SOX5: variants seen among roughly 807,000 people sequenced by gnomAD.
SOX5 encodes SRY-box transcription factor 5.
A neutral mutation model predicts 92.0 loss-of-function variants in SOX5; 9 were observed. That is an observed-to-expected ratio of 0.10 (90% confidence interval 0.06 to 0.17). The LOEUF is 0.17. SOX5 is among the 10% of genes least tolerant of loss of function. The probability of loss-of-function intolerance (pLI) is 1.00; values close to 1 mark genes in which losing one functional copy is unlikely to be tolerated. For missense variants in SOX5, 642 were observed against 944.5 expected (o/e 0.68, Z 4.20); for synonymous variants, 344 against 336.3 (o/e 1.02, Z -0.25).
At chr12:24,005,287 G>T (rs564040859) in intron 4 of SOX5, among the ~76,000 whole-genome samples, 12 of 152,106 alleles carry the variant, frequency 7.9e-5, no homozygotes, top group African/African-American at 2.7e-4. Context: ...AGAGAAACAT[G>T]ACTGATCTTT....
At chr12:24,427,751 G>A (rs1966856989) in intron 1 of SOX5, among the ~76,000 whole-genome samples, 1 of 152,182 alleles carries the variant, frequency 6.6e-6, no homozygotes, top group Non-Finnish European at 1.5e-5. Flanking sequence ...GTGTGTAACA[G>A]TAAAAGACTA....
rs58319907 is a variant in SOX5 at position 24,166,119 on chromosome 12, C to T, written c.-2+47224G>A. On this transcript the variant is annotated intron_variant, in intron 4 of 4. Coordinates refer to the SOX5 transcript ENST00000446891. ...CGTAGAAAGGAGAAGGGAAAGAATA[C>T]GATGACACTGGATGTGGGGAAGGGT... 7.6e-3 allele frequency among the ~76,000 whole-genome samples: 1,161 copies of T among 152,032 alleles called. 15 individuals are homozygous for T. The highest frequency in any genetic ancestry group is 0.025 in the African/African-American group (1,058 of 41,492).
At chr12:24,233,811 T>C (rs965601217) in intron 3 of SOX5, among the ~76,000 whole-genome samples, 1 of 152,244 alleles carries the variant, frequency 6.6e-6, no homozygotes, top group Non-Finnish European at 1.5e-5. Flanking sequence ...GGTTTTTTAA[T>C]AGATCCCAGG....
At chr12:24,349,192 C>T (rs1016340206) in intron 2 of SOX5, among the ~76,000 whole-genome samples, 3 of 152,196 alleles carry the variant, frequency 2.0e-5, no homozygotes, top group Admixed American at 6.5e-5. Context: ...GTCTCAGAGA[C>T]GTCTTTGCTA....
chr12:23,775,925 C>T lies in SOX5; in HGVS notation c.482-20201G>A, dbSNP rs376476770. On this transcript the variant is annotated intron_variant, in intron 3 of 14. Coordinates refer to ENST00000451604, the MANE Select transcript of SOX5 (RefSeq NM_006940.6). ...TTTGGCACGAGGAACCAGTTTCATG[C>T]AAGGCAGTTTTTTCCAAGGACTGTG... Among the ~76,000 whole-genome samples the T allele has an allele frequency of 3.2e-3, 493 of 152,240 alleles. 2 individuals are homozygous for T. The highest frequency in any genetic ancestry group is 5.1e-3 in the Non-Finnish European group (347 of 68,006).
chr12:24,229,609 A>G (rs1267745311), intron 3 of SOX5, among the ~76,000 whole-genome samples: 1 of 152,170 alleles, frequency 6.6e-6, no homozygotes, highest in Non-Finnish European at 1.5e-5. Context: ...GAGCCATGTC[A>G]TTTATTATTT....
At chr12:24,389,071 G>A (rs1596193178) in intron 1 of SOX5, among the ~76,000 whole-genome samples, 4 of 152,000 alleles carry the variant, frequency 2.6e-5, no homozygotes, top group Admixed American at 1.3e-4. Context: ...TCGTCATTTA[G>A]CATTAGGTAT....
intron 4 of SOX5, among the ~76,000 whole-genome samples, chr12:24,077,258 C>T (rs1942742443): frequency 6.6e-6 from 1 of 152,086 alleles, no homozygotes; most frequent in Admixed American, 6.6e-5. Context: ...GACTCTGGTG[C>T]TTTCCCCGAC....
At position 23,970,841 on chromosome 12, in the gene SOX5, A is replaced by ATATATATATATATAAAATT; in HGVS notation, c.-1-74818_-1-74817insAATTTTATATATATATATA. Among the ~76,000 whole-genome samples the ATATATATATATATAAAATT allele has an allele frequency of 1.0e-3, 22 of 21,884 alleles. 5 individuals are homozygous for ATATATATATATATAAAATT. Among genetic ancestry groups the ATATATATATATATAAAATT allele is most frequent in the Non-Finnish European group, 1.4e-3 (14 of 9,706 alleles). The allele number at this position is 21,884 out of a possible 152,430, so 14.4% of individuals were successfully genotyped here. ...ACATGGGACTTTATATATATATATAATTTTTTTTTTTTTTTAAGAAATGGG... is the reference window on the plus strand; with the variant it reads ...ACATGGGACTTTATATATATATATAATATATATATATATAAAATTTTTTTTTTTTTTTTTAAGAAATGGG... On this transcript the variant is annotated intron_variant, in intron 4 of 4. Coordinates refer to the SOX5 transcript ENST00000446891.
At chr12:23,722,203 A>G (rs532626431) in intron 6 of SOX5, among the ~76,000 whole-genome samples, 1 of 152,354 alleles carries the variant, frequency 6.6e-6, no homozygotes, top group South Asian at 2.1e-4. Flanking sequence ...AGCTGAATAT[A>G]CTTTCATTAG....
chr12:23,620,533 G>A (rs2077048355), intron 8 of SOX5, among the ~76,000 whole-genome samples: 1 of 151,872 alleles, frequency 6.6e-6, no homozygotes, highest in African/African-American at 2.4e-5. Flanking sequence ...TTTATATGAA[G>A]AATTAATCAT....
chr12:23,680,147 G>A (rs564619641), intron 6 of SOX5, among the ~76,000 whole-genome samples: 97 of 151,556 alleles, frequency 6.4e-4, no homozygotes, highest in Non-Finnish European at 9.4e-4. Context: ...GCAACACAGC[G>A]ACAACCTGTC....
At chr12:24,045,594 C>A (rs889959983) in intron 4 of SOX5, among the ~76,000 whole-genome samples, 2 of 152,140 alleles carry the variant, frequency 1.3e-5, no homozygotes, top group Non-Finnish European at 2.9e-5. Context: ...GCCATCTTGC[C>A]GGCCAGAAGA....
intron 1 of SOX5, among the ~76,000 whole-genome samples, chr12:23,899,481 A>G (rs1254660058): frequency 6.6e-6 from 1 of 151,996 alleles, no homozygotes; most frequent in Non-Finnish European, 1.5e-5. Flanking sequence ...CACTAACTAC[A>G]TATCTGTGTT....
chr12:24,435,546 G>T (rs934312484), intron 1 of SOX5, among the ~76,000 whole-genome samples: 1 of 152,148 alleles, frequency 6.6e-6, no homozygotes, highest in African/African-American at 2.4e-5. Context: ...GGAAAGACAT[G>T]TCTAGCACAA....
chr12:24,258,131 C>T (rs1941525924), intron 3 of SOX5, among the ~76,000 whole-genome samples: 2 of 152,142 alleles, frequency 1.3e-5, no homozygotes, highest in Non-Finnish European at 2.9e-5. Flanking sequence ...CGAGATCGTG[C>T]CACTGCACTC....
chr12:24,234,194 G>A (rs1484767217), intron 3 of SOX5, among the ~76,000 whole-genome samples: 3 of 152,164 alleles, frequency 2.0e-5, no homozygotes, highest in Non-Finnish European at 2.9e-5. Flanking sequence ...GCATAATTGA[G>A]AAGGCAAATA....
At chr12:24,171,381 A>C (rs1389363909) in intron 4 of SOX5, among the ~76,000 whole-genome samples, 1 of 151,086 alleles carries the variant, frequency 6.6e-6, no homozygotes, top group Admixed American at 6.6e-5. Context: ...ATGCCACCGC[A>C]CCCGGCTAAT....
chr12:24,294,370 G>A (rs775723118), intron 2 of SOX5, among the ~76,000 whole-genome samples: 1 of 151,748 alleles, frequency 6.6e-6, no homozygotes, highest in Non-Finnish European at 1.5e-5. Flanking sequence ...CTCTCTACCA[G>A]ATTTCGGTCT....
Sources: allele counts gnomAD v4.1 joint callset (sites outside exome capture counted in the v4.1 genomes callset), GRCh38; gene constraint gnomAD v4.1.1; transcripts MANE v1.5; gene names NCBI Gene and HGNC (gene_info 2026-07-23, HGNC 2026-07-21).